Variants in RAB9B observed in about 807,000 individuals in gnomAD.
RAB9B encodes the protein ras-related protein Rab-9B.
A neutral mutation model predicts 8.9 loss-of-function variants in RAB9B; 1 was observed. The ratio of observed to expected loss-of-function variants is 0.11; its 90% CI spans 0.04 to 0.53. The LOEUF is 0.53. Among genes scored for constraint, RAB9B ranks in the 20% least tolerant of loss-of-function variants. RAB9B has a pLI of 0.93. For missense variants in RAB9B, 82 were observed against 152.9 expected, an observed-to-expected ratio of 0.54 and a Z score of 2.45; for synonymous variants, 63 against 57.0, an observed-to-expected ratio of 1.10 and a Z score of -0.47.
chrX:103,786,154 C>G, the RAB9B span: 2 of 1,108,683 alleles, frequency 1.8e-6, no homozygotes, highest in East Asian at 3.8e-5. Flanking sequence ...TTCTTCTTGT[C>G]TAGCTCCCTA....
At chrX:103,791,995 A>G in the RAB9B span, 8 of 112,067 alleles carry the variant, frequency 7.1e-5, no homozygotes, top group Non-Finnish European at 1.3e-4. Flanking sequence ...AGATCACATA[A>G]CAGAATGCAC....
At chrX:103,777,195 G>C in the RAB9B span, among the ~76,000 whole-genome samples, 1 of 111,910 alleles carries the variant, frequency 8.9e-6, no homozygotes, top group Non-Finnish European at 1.9e-5. Flanking sequence ...TATTACCAAA[G>C]AATTCCAGCA....
At chrX:103,806,385 C>T in the RAB9B span, among the ~76,000 whole-genome samples, 1 of 110,782 alleles carries the variant, frequency 9.0e-6, no homozygotes, top group Non-Finnish European at 1.9e-5. Flanking sequence ...TGTTAATTTC[C>T]ACATATTTGT....
the RAB9B span, among the ~76,000 whole-genome samples, chrX:103,802,543 T>C: frequency 1.7e-3 from 190 of 111,951 alleles, no homozygotes; most frequent in Non-Finnish European, 3.1e-3. Context: ...TAGCCTTTGC[T>C]TTACTGGGAA....
the RAB9B span, chrX:103,786,390 C>T: frequency 9.0e-7 from 1 of 1,110,607 alleles, no homozygotes; most frequent in Non-Finnish European, 1.2e-6. Flanking sequence ...GTGTATACCT[C>T]ACTTATGTCG....
the RAB9B span, among the ~76,000 whole-genome samples, chrX:103,806,940 T>A: frequency 1.8e-5 from 2 of 111,704 alleles, no homozygotes; most frequent in Non-Finnish European, 3.8e-5. Flanking sequence ...AATATAGTTA[T>A]GTGGGCCTTA....
chrX:103,819,693 TA>T (rs886278348), downstream of RAB9B, among the ~76,000 whole-genome samples: 11 of 112,342 alleles, frequency 9.8e-5, no homozygotes, highest in Admixed American at 5.7e-4. Context: ...ATTTTTCCTT[TA>T]TTCCATAAAC....
chrX:103,784,822 T>C, the RAB9B span, among the ~76,000 whole-genome samples: 1 of 112,001 alleles, frequency 8.9e-6, no homozygotes. Context: ...AAGACTCCCA[T>C]ATGGCAGAGT....
chrX:103,778,318 T>C, the RAB9B span, among the ~76,000 whole-genome samples: 1 of 112,378 alleles, frequency 8.9e-6, no homozygotes, highest in Non-Finnish European at 1.9e-5. Flanking sequence ...ATAATGTGTA[T>C]ACAGGCGAAC....
chrX:103,786,327 G>A, the RAB9B span: 2 of 1,041,327 alleles, frequency 1.9e-6, no homozygotes, highest in Non-Finnish European at 1.3e-6. Flanking sequence ...CATGCAGGAG[G>A]AACCTGGTGA....
At chrX:103,818,608 C>T (rs1253365475), downstream of RAB9B, among the ~76,000 whole-genome samples, 3 of 110,036 alleles carry the variant, frequency 2.7e-5, no homozygotes, top group Non-Finnish European at 5.7e-5. Context: ...TGTGGTAAAC[C>T]CTTCAATACA....
At chrX:103,790,563 G>T in the RAB9B span, 1 of 1,208,257 alleles carries the variant, frequency 8.3e-7, no homozygotes. Flanking sequence ...CAACTTTGCC[G>T]TCCTTAAACT....
chrX:103,819,985 A>G (rs956199795), downstream of RAB9B, among the ~76,000 whole-genome samples: 1 of 112,216 alleles, frequency 8.9e-6, no homozygotes, highest in African/African-American at 3.2e-5. Context: ...ATTAGGTCAC[A>G]AGGGTGAAGC....
chrX:103,825,925 A>G, intron 2 of RAB9B, 99 bp from the exon 3 acceptor site: 1 of 613,521 alleles, frequency 1.6e-6, no homozygotes, highest in South Asian at 3.4e-5. Context: ...TTCTCATTCA[A>G]CTTCTCTGAT....
chrX:103,785,881 C>A, the RAB9B span: 1 of 777,466 alleles, frequency 1.3e-6, no homozygotes, highest in Non-Finnish European at 2.0e-6. Flanking sequence ...TGGAGCCAGA[C>A]CGGATTCCCG....
the RAB9B span, among the ~76,000 whole-genome samples, chrX:103,796,525 C>T: frequency 9.0e-6 from 1 of 110,804 alleles, no homozygotes; most frequent in African/African-American, 3.3e-5. Flanking sequence ...CTGTAAGCAG[C>T]CTTGCCTCCA....
the RAB9B span, among the ~76,000 whole-genome samples, chrX:103,800,375 G>C: frequency 1.8e-5 from 2 of 111,535 alleles, no homozygotes; most frequent in African/African-American, 6.5e-5. Context: ...ATCTTGCTGA[G>C]TTGTTGAAAC....
downstream of RAB9B, among the ~76,000 whole-genome samples, chrX:103,817,803 C>T (rs1411957728): frequency 9.0e-6 from 1 of 110,784 alleles, no homozygotes; most frequent in Non-Finnish European, 1.9e-5. Context: ...GCAATTAAAG[C>T]ATCTGGATGA....
chrX:103,794,670 T>G, the RAB9B span, among the ~76,000 whole-genome samples: 1 of 112,488 alleles, frequency 8.9e-6, no homozygotes, highest in Admixed American at 9.4e-5. Context: ...ATTTTGACAT[T>G]AACAGTTAAC....
Sources: gnomAD v4.1 joint callset for allele counts (sites outside exome capture counted in the v4.1 genomes callset) on GRCh38, gnomAD v4.1.1 for gene constraint, MANE v1.5 for transcripts, NCBI Gene and HGNC (gene_info 2026-07-23, HGNC 2026-07-21) for gene names.